The following SLC1A3 variants were observed in gnomAD, a reference collection of about 807,000 sequenced individuals.
SLC1A3 encodes the protein solute carrier family 1 member 3.
Under a neutral mutation model 48.1 loss-of-function variants are expected in SLC1A3, and 21 were observed. The ratio of observed to expected loss-of-function variants is 0.44; its 90% CI spans 0.31 to 0.63. The LOEUF (loss-of-function observed/expected upper bound fraction) is 0.63, where lower values mean the gene tolerates loss of function less well. SLC1A3 is among the 20% of genes least tolerant of loss of function. The pLI, the probability that SLC1A3 is intolerant of heterozygous loss-of-function variation, is 0.08. For missense variants in SLC1A3, 546 were observed against 689.0 expected (o/e 0.79, Z 2.32); for synonymous variants, 239 against 251.4 (o/e 0.95, Z 0.47).
At chr5:36,630,864 G>A (rs771654564) in intron 3 of SLC1A3, among the ~76,000 whole-genome samples, 5 of 152,192 alleles carry the variant, frequency 3.3e-5, no homozygotes, top group Non-Finnish European at 2.9e-5. Flanking sequence ...AAACAGTCCT[G>A]GAGTTGATTT....
At chr5:36,669,633 T>C (rs552026432) in intron 3 of SLC1A3, 1 of 152,286 alleles carries the variant, frequency 6.6e-6, no homozygotes, top group South Asian at 2.1e-4. Flanking sequence ...TACTAAGGGC[T>C]TATAATGAAA....
At chr5:36,604,915 G>C (rs887626854), upstream of SLC1A3, among the ~76,000 whole-genome samples, 9 of 148,776 alleles carry the variant, frequency 6.0e-5, no homozygotes. Context: ...GTGGGGGGGG[G>C]GGGTGTGCAA....
chr5:36,674,626 C>T (rs901282462), intron 5 of SLC1A3, among the ~76,000 whole-genome samples: 1 of 151,968 alleles, frequency 6.6e-6, no homozygotes, highest in African/African-American at 2.4e-5. Flanking sequence ...ATTTTTAGTC[C>T]TCACATAAAT....
intron 3 of SLC1A3, chr5:36,668,600 T>C (rs957503913): frequency 6.6e-6 from 1 of 152,214 alleles, no homozygotes; most frequent in Non-Finnish European, 1.5e-5. Context: ...TGTTACTTTA[T>C]TCTCTTTCAA....
chr5:36,634,232 C>T (rs568250380), intron 3 of SLC1A3, among the ~76,000 whole-genome samples: 6 of 151,838 alleles, frequency 4.0e-5, no homozygotes, highest in East Asian at 3.9e-4. Flanking sequence ...GCCAAGATCG[C>T]GCCACTGTAG....
intron 3 of SLC1A3, among the ~76,000 whole-genome samples, chr5:36,639,234 G>A (rs532039457): frequency 2.0e-5 from 3 of 152,132 alleles, no homozygotes; most frequent in East Asian, 3.9e-4. Flanking sequence ...TTATCTACAC[G>A]ATGGGGATAA....
intron 1 of SLC1A3, among the ~76,000 whole-genome samples, chr5:36,596,973 C>T (rs1738748209): frequency 6.6e-6 from 1 of 152,130 alleles, no homozygotes; most frequent in South Asian, 2.1e-4. Context: ...CTGGGGGTTG[C>T]TCCCGTGGTA....
At chr5:36,625,401 G>C (rs1457285353) in intron 2 of SLC1A3, among the ~76,000 whole-genome samples, 1 of 152,168 alleles carries the variant, frequency 6.6e-6, no homozygotes, top group African/African-American at 2.4e-5. Context: ...AGGTTGCAGT[G>C]AGCCGAGATT....
intron 3 of SLC1A3, among the ~76,000 whole-genome samples, chr5:36,636,530 TC>T (rs1315580723): frequency 6.6e-6 from 1 of 151,194 alleles, no homozygotes; most frequent in Non-Finnish European, 1.5e-5. Flanking sequence ...TCTCTCTCTT[TC>T]CTTTTCTCTC....
chr5:36,677,224 G>A (rs1283171852), intron 6 of SLC1A3, 40 bp downstream of exon 6: 2 of 1,558,302 alleles, frequency 1.3e-6, no homozygotes, highest in African/African-American at 2.7e-5. Context: ...TATACGAGAT[G>A]GTTATTGCCA....
chr5:36,630,172 G>C (rs1219645745), intron 3 of SLC1A3: 4 of 155,872 alleles, frequency 2.6e-5, no homozygotes, highest in African/African-American at 4.8e-5. Flanking sequence ...GTGGGAGAAG[G>C]GGGAGGGGGC....
intron 3 of SLC1A3, among the ~76,000 whole-genome samples, chr5:36,642,097 T>C (rs909291967): frequency 6.6e-6 from 1 of 152,214 alleles, no homozygotes; most frequent in Admixed American, 6.5e-5. Context: ...TTAACTTTAA[T>C]CTATAAACCT....
In SLC1A3 at chr5:36,627,786, C is replaced by T. The variant is rs547124502; in HGVS notation, c.182-1664C>T. 8.5e-5 allele frequency among the ~76,000 whole-genome samples: 13 copies of T among 152,270 alleles called. No individual in the cohort carries two copies. The South Asian group carries it at 2.3e-3, about 27-fold the overall frequency. ...TTGCTCTACAGGAGAAGAGGAAACA[C>T]ATAAAGGGGTTAAGAACCTGGGATC... On this transcript the variant is annotated intron_variant, in intron 2 of 9. Coordinates refer to ENST00000265113, the MANE Select transcript of SLC1A3 (RefSeq NM_004172.5).
chr5:36,652,808 C>T (rs532252349), intron 3 of SLC1A3, among the ~76,000 whole-genome samples: 13 of 152,312 alleles, frequency 8.5e-5, no homozygotes, highest in African/African-American at 2.9e-4. Flanking sequence ...CATACCCACA[C>T]TTTCCCCAAA....
rs558294009 is a variant in SLC1A3 at position 36,618,332 on chromosome 5, C to T, written c.181+9728C>T. Reference sequence around the variant, plus strand: ...TATCCCTCCCTCTAAGCCTTCACCCCCTACCACCAATTTAGCAGAAGTTTA... The same window carrying T: ...TATCCCTCCCTCTAAGCCTTCACCCTCTACCACCAATTTAGCAGAAGTTTA... On this transcript the variant is annotated intron_variant, in intron 2 of 9. Transcript: ENST00000265113. 3.9e-5 allele frequency among the ~76,000 whole-genome samples: 6 copies of T among 152,320 alleles called. No individual in the cohort carries two copies. The South Asian group carries it at 1.0e-3, about 26-fold the overall frequency.
chr5:36,661,020 G>T (rs901346652), intron 3 of SLC1A3, among the ~76,000 whole-genome samples: 1 of 151,932 alleles, frequency 6.6e-6, no homozygotes, highest in African/African-American at 2.4e-5. Context: ...TATCACCAAA[G>T]ATTTCATTTT....
chr5:36,634,762 T>C (rs184012510), intron 3 of SLC1A3, among the ~76,000 whole-genome samples: 115 of 152,358 alleles, frequency 7.5e-4, no homozygotes, highest in Middle Eastern at 6.8e-3. Context: ...TTTTCAAATC[T>C]ATAGACCAAC....
At chr5:36,615,473 C>A (rs1229775771) in intron 2 of SLC1A3, among the ~76,000 whole-genome samples, 1 of 152,178 alleles carries the variant, frequency 6.6e-6, no homozygotes, top group African/African-American at 2.4e-5. Flanking sequence ...CTGGTCTCTC[C>A]AGTCTAACAA....
intron 3 of SLC1A3, among the ~76,000 whole-genome samples, chr5:36,638,322 C>T (rs2111795588): frequency 6.6e-6 from 1 of 152,338 alleles, no homozygotes; most frequent in East Asian, 1.9e-4. Context: ...GCAAGCCCCT[C>T]TACCAGCTTT....
Sources: gnomAD v4.1 joint callset for allele counts (sites outside exome capture counted in the v4.1 genomes callset) on GRCh38, gnomAD v4.1.1 for gene constraint, MANE v1.5 for transcripts, NCBI Gene and HGNC (gene_info 2026-07-23, HGNC 2026-07-21) for gene names.